The following CLASP2 variants were observed in gnomAD, a reference collection of about 807,000 sequenced individuals.
The protein encoded by CLASP2 is CLIP-associating protein 2.
In CLASP2, 47 loss-of-function variants were observed where a neutral mutation model predicts 194.4. The observed-to-expected ratio is 0.24, with a 90% CI of 0.19 to 0.31. The LOEUF is 0.31. Among genes scored for constraint, CLASP2 ranks in the 10% least tolerant of loss-of-function variants. The probability of loss-of-function intolerance (pLI) is 1.00; values close to 1 mark genes in which losing one functional copy is unlikely to be tolerated. For synonymous variants in CLASP2, 619 were observed against 633.5 expected, an observed-to-expected ratio of 0.98 and a Z score of 0.34; for missense variants, 1,445 against 1,823.6, an observed-to-expected ratio of 0.79 and a Z score of 3.78.
intron 30 of CLASP2, among the ~76,000 whole-genome samples, chr3:33,548,214 T>C (rs990005071): frequency 3.3e-5 from 5 of 152,214 alleles, no homozygotes; most frequent in African/African-American, 1.2e-4. Flanking sequence ...ATAAGCTCAG[T>C]AGTTAAAATA....
At chr3:33,606,851 C>A in intron 15 of CLASP2, 93 bp from the exon 16 acceptor site, 1 of 905,994 alleles carries the variant, frequency 1.1e-6, no homozygotes, top group Middle Eastern at 2.7e-4. Flanking sequence ...GAAGATAAGC[C>A]CACTGGTTTT....
intron 7 of CLASP2, among the ~76,000 whole-genome samples, chr3:33,651,168 A>G (rs886586553): frequency 4.6e-5 from 7 of 152,148 alleles, no homozygotes; most frequent in East Asian, 3.9e-4. Context: ...GGATCATTTG[A>G]GGCCAGCAGT....
intron 16 of CLASP2, among the ~76,000 whole-genome samples, chr3:33,605,248 C>G (rs1319113128): frequency 1.3e-5 from 2 of 152,106 alleles, no homozygotes; most frequent in African/African-American, 4.8e-5. Context: ...AAAAGATCTT[C>G]AGGTGATTTG....
rs374111029 is a variant in CLASP2 at position 33,554,294 on chromosome 3, G to T, written c.3010-2899C>A. ...ATGGTTGTAAAGATAAAGAAAATGT[G>T]GTATATATACACAATGGAATACTAT... On this transcript the variant is annotated intron_variant, in intron 29 of 38. Coordinates refer to ENST00000682230, the MANE Select transcript of CLASP2 (RefSeq NM_001365631.1). 1.7e-4 allele frequency among the ~76,000 whole-genome samples: 26 copies of T among 151,582 alleles called. No individual in the cohort carries two copies. The East Asian group carries it at 5.0e-3, about 29-fold the overall frequency.
rs2064137058 is a variant in CLASP2, at chr3:33,573,184, A to C, written c.2625T>G (p.Ala875=). 1.2e-6 allele frequency: 2 copies of C among 1,613,832 alleles called. No homozygotes were observed. Among genetic ancestry groups the C allele is most frequent in the African/African-American group, 2.7e-5 (2 of 74,930 alleles). Residue 875 remains alanine, a synonymous_variant, in exon 25 of 39, where the codon GCT becomes GCG. Coordinates refer to ENST00000682230, the MANE Select transcript of CLASP2 (RefSeq NM_001365631.1). ...CTTTCCTTTCTGACCAATTGGAACT[A>C]GCACATCTATTGAGGACTTCTGCCA... ...EDVAEVLNRC[A]SSNWSERKEG... is the part of the protein sequence containing the mutation.
intron 32 of CLASP2, among the ~76,000 whole-genome samples, chr3:33,540,610 T>G (rs2058185796): frequency 6.6e-6 from 1 of 152,124 alleles, no homozygotes; most frequent in African/African-American, 2.4e-5. Context: ...CTACCAAATT[T>G]ATCATATATG....
At chr3:33,708,095 G>C (rs540490606) in intron 1 of CLASP2, among the ~76,000 whole-genome samples, 1 of 151,958 alleles carries the variant, frequency 6.6e-6, no homozygotes, top group Non-Finnish European at 1.5e-5. Context: ...TGACATCTAC[G>C]CTCTTAGTAA....
At chr3:33,638,482 A>G (rs975954410) in intron 8 of CLASP2, among the ~76,000 whole-genome samples, 16 of 151,016 alleles carry the variant, frequency 1.1e-4, no homozygotes, top group Non-Finnish European at 2.2e-4. Flanking sequence ...TTTTTTTTGT[A>G]TTTTCAGTAG....
Position 33,573,492 on chromosome 3 carries a change from T to C in CLASP2, c.2455-138A>G, listed in dbSNP as rs1417757147. ...GCTCCTAATCATTGTAATAACAGAA[T>C]GTCAGTATTTAGTTTTTCTTCAGAA... On this transcript the variant is annotated intron_variant, in intron 24 of 38. Coordinates refer to ENST00000682230, the MANE Select transcript of CLASP2 (RefSeq NM_001365631.1). 7.9e-6 allele frequency: 7 copies of C among 887,166 alleles called. No individual in the cohort carries two copies. The Admixed American group carries it at 1.5e-4, about 18-fold the overall frequency. 55.0% of individuals were successfully genotyped at this position (887,166 alleles called of 1,614,324 possible).
At chr3:33,552,473 G>A (rs1196742432) in intron 29 of CLASP2, among the ~76,000 whole-genome samples, 1 of 152,144 alleles carries the variant, frequency 6.6e-6, no homozygotes, top group African/African-American at 2.4e-5. Context: ...TTTGAAATAT[G>A]TATATTTGTG....
chr3:33,567,908 A>G (rs2063030602), intron 26 of CLASP2, among the ~76,000 whole-genome samples: 1 of 152,192 alleles, frequency 6.6e-6, no homozygotes, highest in African/African-American at 2.4e-5. Flanking sequence ...TTTGCAGTAC[A>G]ATATGTGTTG....
intron 20 of CLASP2, among the ~76,000 whole-genome samples, chr3:33,593,538 TAA>T (rs970720677): frequency 1.4e-4 from 21 of 152,070 alleles, no homozygotes; most frequent in East Asian, 7.7e-4. Context: ...TGAGAAAAGA[TAA>T]GAGAGTAATA....
chr3:33,691,402 A>G (rs2091334587), intron 2 of CLASP2, among the ~76,000 whole-genome samples: 1 of 152,220 alleles, frequency 6.6e-6, no homozygotes, highest in Non-Finnish European at 1.5e-5. Flanking sequence ...AGTAATGAAC[A>G]AGAGTTAAAG....
intron 37 of CLASP2, among the ~76,000 whole-genome samples, chr3:33,505,909 T>C (rs1460029807): frequency 6.6e-6 from 1 of 151,934 alleles, no homozygotes; most frequent in Non-Finnish European, 1.5e-5. Flanking sequence ...AAAAAAATTA[T>C]CCAGGCAACT....
chr3:33,604,320 CTTT>C (rs199958865), intron 16 of CLASP2, 111 bp from the exon 17 acceptor site: 1,547 of 565,390 alleles, frequency 2.7e-3, no homozygotes, highest in Non-Finnish European at 3.2e-3. Context: ...TTTCTTTTTT[CTTT>C]TTTTTTTTTT....
At chr3:33,658,934 G>A (rs749495696) in intron 7 of CLASP2, 18 of 1,493,976 alleles carry the variant, frequency 1.2e-5, no homozygotes, top group Non-Finnish European at 1.6e-5. Context: ...AAAAGGAAGT[G>A]TATAACACAA....
chr3:33,702,477 C>T, intron 1 of CLASP2, among the ~76,000 whole-genome samples: 1 of 151,908 alleles, frequency 6.6e-6, no homozygotes, highest in East Asian at 1.9e-4. Context: ...AATCATAAAC[C>T]TAAATGTAAG....
chr3:33,639,231 T>C (rs947834826), intron 8 of CLASP2, among the ~76,000 whole-genome samples: 1 of 152,128 alleles, frequency 6.6e-6, no homozygotes, highest in African/African-American at 2.4e-5. Context: ...ATAATTTTTG[T>C]ATTTTGTGTA....
chr3:33,510,962 A>C (rs953157236), intron 36 of CLASP2, among the ~76,000 whole-genome samples, 198 bp from the exon 37 acceptor site: 3 of 151,842 alleles, frequency 2.0e-5, no homozygotes, highest in Non-Finnish European at 4.4e-5. Context: ...CTGAAGCTAG[A>C]TGATGGATAC....
Sources: gnomAD v4.1 joint callset for allele counts (sites outside exome capture counted in the v4.1 genomes callset) on GRCh38, gnomAD v4.1.1 for gene constraint, MANE v1.5 for transcripts, NCBI Gene and HGNC (gene_info 2026-07-23, HGNC 2026-07-21) for gene names.